RSRC1: variants seen among roughly 807,000 people sequenced by gnomAD.
The protein encoded by RSRC1 is arginine and serine rich coiled-coil 1, also known as serine/Arginine-related protein 53.
Under a neutral mutation model 49.1 loss-of-function variants are expected in RSRC1, and 39 were observed. The observed-to-expected ratio is 0.79, with a 90% CI of 0.61 to 1.04. The LOEUF is 1.04. Among genes scored for constraint, RSRC1 ranks in the 50% least tolerant of loss-of-function variants. The pLI, the probability that RSRC1 is intolerant of heterozygous loss-of-function variation, is 0.00. For synonymous variants in RSRC1, 143 were observed against 130.8 expected, an observed-to-expected ratio of 1.09 and a Z score of -0.63; for missense variants, 388 against 402.4, an observed-to-expected ratio of 0.96 and a Z score of 0.31.
chr3:158,399,043 A>G lies in RSRC1; in HGVS notation c.583+44135A>G, dbSNP rs1425643783. Among the ~76,000 whole-genome samples the G allele has an allele frequency of 1.4e-5, 2 of 147,178 alleles. 1 individual carries two copies. Among genetic ancestry groups the G allele is most frequent in the Non-Finnish European group, 3.0e-5 (2 of 67,346 alleles). On this transcript the variant is annotated intron_variant, in intron 6 of 9. Transcript: ENST00000611884. ...AACCCAGAAGAGGGTCTGAATATTT[A>G]TCATGTTTGAGATATTTCTAAAATC...
At chr3:158,260,348 A>T (rs1469836255) in intron 4 of RSRC1, among the ~76,000 whole-genome samples, 2 of 152,062 alleles carry the variant, frequency 1.3e-5, no homozygotes, top group East Asian at 3.9e-4. Flanking sequence ...ATGTCTAGAA[A>T]TGTCATCTGT....
rs1733110802 is a variant in RSRC1, at chr3:158,388,849, TC to T, written c.583+33943del. ...TGGTCTCGATCTCCTGACCTCATGA[TC>T]CGCCCGCCTCGGCCTCCCAAAGTGT... is the stretch of plus-strand genomic sequence containing the variant. On this transcript the variant is annotated intron_variant, in intron 6 of 9. Transcript: ENST00000611884. 2.0e-5 allele frequency among the ~76,000 whole-genome samples: 3 copies of T among 152,206 alleles called. No homozygotes were observed. In the South Asian group the frequency reaches 6.2e-4, roughly 32 times the overall value.
intron 4 of RSRC1, among the ~76,000 whole-genome samples, chr3:158,206,227 A>C (rs919606783): frequency 6.6e-6 from 1 of 152,138 alleles, no homozygotes; most frequent in African/African-American, 2.4e-5. Flanking sequence ...TTTCATTTTC[A>C]GTCTTGACAC....
chr3:158,456,444 A>G (rs778618176), intron 6 of RSRC1, among the ~76,000 whole-genome samples: 12 of 152,136 alleles, frequency 7.9e-5, no homozygotes, highest in Non-Finnish European at 1.5e-4. Flanking sequence ...CTGGCTAAAG[A>G]TACATGAAGT....
At chr3:158,279,238 C>T (rs987478016) in intron 4 of RSRC1, among the ~76,000 whole-genome samples, 8 of 152,136 alleles carry the variant, frequency 5.3e-5, no homozygotes, top group Admixed American at 3.9e-4. Flanking sequence ...GAGTGCCATC[C>T]GTGATTTCTG....
chr3:158,280,670 G>A (rs578035440), intron 4 of RSRC1, among the ~76,000 whole-genome samples: 9 of 115,618 alleles, frequency 7.8e-5, no homozygotes, highest in East Asian at 5.5e-4. Context: ...TTTTTGAGAC[G>A]GAGTCTTGCT....
chr3:158,123,590 G>T (rs1371082005), intron 2 of RSRC1, among the ~76,000 whole-genome samples: 2 of 152,184 alleles, frequency 1.3e-5, no homozygotes, highest in Non-Finnish European at 1.5e-5. Flanking sequence ...GAGCTACTGA[G>T]CCTGGCCTTG....
chr3:158,137,407 TA>T, intron 3 of RSRC1, among the ~76,000 whole-genome samples: 1 of 150,468 alleles, frequency 6.6e-6, no homozygotes, highest in Non-Finnish European at 1.5e-5. Flanking sequence ...CAATTAAATA[TA>T]TATATATATA....
intron 4 of RSRC1, among the ~76,000 whole-genome samples, chr3:158,266,269 G>C (rs900221984): frequency 6.6e-6 from 1 of 150,862 alleles, no homozygotes; most frequent in African/African-American, 2.4e-5. Context: ...GGTTTACTTT[G>C]ATCTTTTTGT....
At chr3:158,112,456 T>C (rs1714478015) in intron 1 of RSRC1, among the ~76,000 whole-genome samples, 1 of 152,200 alleles carries the variant, frequency 6.6e-6, no homozygotes, top group Non-Finnish European at 1.5e-5. Flanking sequence ...GGATCTACTT[T>C]GTGATTTGCT....
chr3:158,187,537 A>G (rs1719998889), intron 3 of RSRC1, among the ~76,000 whole-genome samples: 1 of 152,026 alleles, frequency 6.6e-6, no homozygotes, highest in Non-Finnish European at 1.5e-5. Context: ...GAGCAATATA[A>G]CTAGAATTAC....
At chr3:158,154,158 C>T (rs529522894) in intron 3 of RSRC1, among the ~76,000 whole-genome samples, 76 of 142,984 alleles carry the variant, frequency 5.3e-4, no homozygotes, top group Middle Eastern at 7.2e-3. Flanking sequence ...ATACCATAGT[C>T]TGTTAAGTAT....
At chr3:158,116,587 A>G (rs1258980103) in intron 1 of RSRC1, among the ~76,000 whole-genome samples, 1 of 152,084 alleles carries the variant, frequency 6.6e-6, no homozygotes, top group African/African-American at 2.4e-5. Context: ...ACTACTAAGT[A>G]TAATTTGGTG....
At chr3:158,453,210 T>A (rs1737139918) in intron 6 of RSRC1, among the ~76,000 whole-genome samples, 1 of 123,246 alleles carries the variant, frequency 8.1e-6, no homozygotes, top group South Asian at 2.2e-4. Context: ...CAAACTCCTG[T>A]GCACACATTT....
At chr3:158,471,895 C>A (rs116179056) in intron 7 of RSRC1, among the ~76,000 whole-genome samples, 30 of 152,224 alleles carry the variant, frequency 2.0e-4, no homozygotes, top group African/African-American at 6.5e-4. Context: ...AGAGTAAACA[C>A]CAAAGTCCTA....
chr3:158,249,054 T>A (rs1422929557), intron 4 of RSRC1, among the ~76,000 whole-genome samples: 1 of 152,202 alleles, frequency 6.6e-6, no homozygotes, highest in African/African-American at 2.4e-5. Flanking sequence ...ATATTGAGTA[T>A]CAATTATTTG....
chr3:158,358,927 TACAC>T (rs71777898), intron 6 of RSRC1, among the ~76,000 whole-genome samples: 8,819 of 128,890 alleles, frequency 0.068, 731 homozygotes, highest in African/African-American at 0.19. Context: ...CACACAAACA[TACAC>T]ACACACACAC....
chr3:158,122,291 G>A lies in RSRC1; in HGVS notation c.187G>A (p.Asp63Asn). 1 of 1,554,232 alleles carries A rather than the reference G, an allele frequency of 6.4e-7. No individual in the cohort carries two copies. Among genetic ancestry groups the A allele is most frequent in the Non-Finnish European group, 8.7e-7 (1 of 1,152,070 alleles). Residue 63 changes from aspartate to asparagine, a missense_variant, in exon 2 of 10, where the codon GAT becomes AAT. Coordinates refer to ENST00000611884, the MANE Select transcript of RSRC1 (RefSeq NM_001271838.2). Reference sequence around the variant, plus strand: ...TCTTCAGCCTCGTTCACATTCTTATGATAGAAGGTGATTTTTGTAATTTTT... The same window carrying A: ...TCTTCAGCCTCGTTCACATTCTTATAATAGAAGGTGATTTTTGTAATTTTT... The part of the protein sequence containing the change: ...RDLQPRSHSY[D>N]RRRRHRSSSS...
intron 3 of RSRC1, among the ~76,000 whole-genome samples, chr3:158,149,630 T>G (rs898011486): frequency 6.6e-6 from 1 of 152,174 alleles, no homozygotes; most frequent in African/African-American, 2.4e-5. Flanking sequence ...TTGAGAAAAT[T>G]AGGTATAGGT....
Sources: allele counts gnomAD v4.1 joint callset (sites outside exome capture counted in the v4.1 genomes callset), GRCh38; gene constraint gnomAD v4.1.1; transcripts MANE v1.5; gene names NCBI Gene and HGNC (gene_info 2026-07-23, HGNC 2026-07-21).